Variants in COMMD4 observed in about 807,000 individuals in gnomAD.
The protein encoded by COMMD4 is COMM domain-containing protein 4.
In COMMD4, 18 loss-of-function variants were observed where a neutral mutation model predicts 27.5. The ratio of observed to expected loss-of-function variants is 0.65; its 90% CI spans 0.45 to 0.97. COMMD4 has a LOEUF of 0.97. Ranked by LOEUF, COMMD4 falls within the 50% of genes least tolerant of loss-of-function variation. The pLI, the probability that COMMD4 is intolerant of heterozygous loss-of-function variation, is 0.00. For synonymous variants in COMMD4, 108 were observed against 108.4 expected, an observed-to-expected ratio of 1.00 and a Z score of 0.02; for missense variants, 243 against 250.0, an observed-to-expected ratio of 0.97 and a Z score of 0.19.
downstream of COMMD4, chr15:75,342,114 T>G (rs556622294): frequency 6.9e-6 from 1 of 144,778 alleles, no homozygotes; most frequent in African/African-American, 2.5e-5. Flanking sequence ...ATACACACAT[T>G]GGAATATTTT....
intron 1 of COMMD4, chr15:75,336,685 A>T (rs1484280530): frequency 6.4e-6 from 1 of 155,808 alleles, no homozygotes; most frequent in Non-Finnish European, 1.4e-5. Flanking sequence ...CGGAGGCTTG[A>T]ATTGGAGTCA....
intron 3 of COMMD4, 71 bp downstream of exon 3, chr15:75,338,491 G>A: frequency 6.3e-7 from 1 of 1,592,256 alleles, no homozygotes; most frequent in Non-Finnish European, 8.6e-7. Context: ...CTCTGCACTA[G>A]GCCCAGGGAG....
intron 2 of COMMD4, 57 bp from the exon 3 acceptor site, chr15:75,338,298 C>T: frequency 6.1e-6 from 9 of 1,481,514 alleles, no homozygotes; most frequent in South Asian, 1.2e-5. Flanking sequence ...TGAGCCAGTC[C>T]CCAGGAAGGA....
chr15:75,338,722 C>T, intron 4 of COMMD4, 37 bp downstream of exon 4: 2 of 1,606,902 alleles, frequency 1.2e-6, no homozygotes, highest in African/African-American at 1.3e-5. Flanking sequence ...CCCAGGCAAC[C>T]CTGGGAACTT....
intron 6 of COMMD4, 95 bp downstream of exon 6, chr15:75,339,439 G>T: frequency 6.6e-7 from 1 of 1,514,972 alleles, no homozygotes; most frequent in Non-Finnish European, 9.0e-7. Context: ...CTTAACCACG[G>T]TCACATGGTT....
Position 75,336,103 on chromosome 15 carries a change from A to C in COMMD4, c.3+11A>C. ...CTTCTTGGCGCGATGGTGAGGCACT[A>C]GGGGCGAAGCGAGGCTTGGGCTGCT... On this transcript the variant is annotated intron_variant, in intron 1 of 7. Transcript: ENST00000267935. 6.5e-7 allele frequency: 1 copy of C among 1,549,772 alleles called. No individual in the cohort carries two copies. Among genetic ancestry groups the C allele is most frequent in the Non-Finnish European group, 8.7e-7 (1 of 1,146,814 alleles).
At chr15:75,336,366 G>A in intron 1 of COMMD4, 9 of 1,139,874 alleles carry the variant, frequency 7.9e-6, no homozygotes, top group South Asian at 1.7e-5. Context: ...CCCGGGGCAG[G>A]AACTAGGGCT....
chr15:75,340,220 G>A lies in COMMD4; in HGVS notation c.*215G>A. The A allele has an allele frequency of 1.7e-6, 1 of 580,534 alleles. No homozygotes were observed. Among genetic ancestry groups the A allele is most frequent in the Non-Finnish European group, 3.1e-6 (1 of 325,768 alleles). 36.0% of individuals were successfully genotyped at this position (580,534 alleles called of 1,614,324 possible). On this transcript the variant is annotated 3_prime_UTR_variant, in exon 8 of 8. Coordinates refer to ENST00000267935, the MANE Select transcript of COMMD4 (RefSeq NM_017828.5). ...AGCATTACCTTCCCTTCCCTTGAAA[G>A]GCAATTGTTGGCTGTTTTCATAAGC...
chr15:75,338,167 G>C (rs2071285968), intron 2 of COMMD4, 34 bp downstream of exon 2: 1 of 1,564,460 alleles, frequency 6.4e-7, no homozygotes, highest in East Asian at 2.4e-5. Flanking sequence ...GGGTGGAGGA[G>C]GGGTGTTGGG....
intron 1 of COMMD4, chr15:75,336,293 A>G (rs761554207): frequency 1.6e-5 from 23 of 1,458,488 alleles, no homozygotes; most frequent in Non-Finnish European, 2.1e-5. Flanking sequence ...GGCGGGTAAG[A>G]CAGAGCAGGC....
chr15:75,336,505 C>T, intron 1 of COMMD4: 1 of 412,228 alleles, frequency 2.4e-6, no homozygotes, highest in Non-Finnish European at 4.3e-6. Context: ...CTCTTCCACA[C>T]TGTTAGGAAG....
rs2071389757 is a variant in COMMD4 at position 75,339,856 on chromosome 15, C to T, written c.537C>T (p.Asp179=). Residue 179 remains aspartate, a synonymous_variant, in exon 7 of 8, where the codon GAC becomes GAT. Coordinates refer to ENST00000267935, the MANE Select transcript of COMMD4 (RefSeq NM_017828.5). ...AQPVAMSLSA[D]KFQVLLAELK... ...CTGTTGCCATGTCCCTCTCAGCAGA[C>T]AAGTTCCAGGTCCTCCTGGCAGGTG... 1 of 1,613,362 alleles carries T rather than the reference C, an allele frequency of 6.2e-7. No homozygotes were observed. Among genetic ancestry groups the T allele is most frequent in the Admixed American group, 1.7e-5 (1 of 59,974 alleles).
At chr15:75,341,302 G>T (rs151175000), downstream of COMMD4, 48 of 152,486 alleles carry the variant, frequency 3.1e-4, no homozygotes, top group African/African-American at 1.0e-3. Flanking sequence ...ACCAGCCAGG[G>T]CTCCTTGTAG....
chr15:75,338,661 A>T lies in COMMD4; in HGVS notation c.157A>T (p.Lys53Ter). The T allele has an allele frequency of 6.2e-7, 1 of 1,613,986 alleles. No individual in the cohort carries two copies. Among genetic ancestry groups the T allele is most frequent in the Non-Finnish European group, 8.5e-7 (1 of 1,179,938 alleles). Residue 53 changes from lysine to a stop codon, truncating the protein, a stop_gained, in exon 4 of 8, where the codon AAG (lysine) becomes TAG (stop). Coordinates refer to ENST00000267935, the MANE Select transcript of COMMD4 (RefSeq NM_017828.5). LOFTEE classifies it high-confidence loss of function. ...TTCCCCATAGTATGAGAAGATCCTG[A>T]AGCTCACGGCTGACGCCAAGTTTGG... ...GQGIDYEKIL[K>*]LTADAKFESG...
At position 75,340,013 on chromosome 15, in the gene COMMD4, G is replaced by A. The variant is rs777934808; in HGVS notation, c.*8G>A. 7 of 1,613,808 alleles carry A rather than the reference G, an allele frequency of 4.3e-6. No homozygotes were observed. The East Asian group carries it at 1.6e-4, about 36-fold the overall frequency. On this transcript the variant is annotated 3_prime_UTR_variant, in exon 8 of 8. Coordinates refer to ENST00000267935, the MANE Select transcript of COMMD4 (RefSeq NM_017828.5). ...ATGAGCTCCCTGGGCTGAGGAGAAG[G>A]GTGTTCCAGGCCTGTGTGGAGCCGC...
downstream of COMMD4, chr15:75,341,258 G>T (rs1288544871): frequency 6.6e-6 from 1 of 152,436 alleles, no homozygotes; most frequent in Non-Finnish European, 1.5e-5. Flanking sequence ...AGCTCGAGAA[G>T]ACTAAGGCAG....
Position 75,339,682 on chromosome 15 carries a change from C to T in COMMD4, c.383-20C>T. 3 of 1,558,422 alleles carry T rather than the reference C, an allele frequency of 1.9e-6. No homozygotes were observed. In the South Asian group the frequency reaches 3.6e-5, roughly 19 times the overall value. On this transcript the variant is annotated intron_variant, in intron 6 of 7. Coordinates refer to ENST00000267935, the MANE Select transcript of COMMD4 (RefSeq NM_017828.5). ...GGCTTGCCTGCTTTGATCCTGAGAG[C>T]CACCCACCCCATCTCACAGTGAATA...
At position 75,336,506 on chromosome 15, in the gene COMMD4, T is replaced by C. The variant is rs2071196191; in HGVS notation, c.3+414T>C. The stretch of plus-strand genomic sequence containing the variant: ...TAGAATCAGGCTCACTCTTCCACAC[T>C]GTTAGGAAGCCCCTCCGCTCTTTCC... On this transcript the variant is annotated intron_variant, in intron 1 of 7. Coordinates refer to ENST00000267935, the MANE Select transcript of COMMD4 (RefSeq NM_017828.5). 10 of 407,800 alleles carry C rather than the reference T, an allele frequency of 2.5e-5. No individual in the cohort carries two copies. In the South Asian group the frequency reaches 4.8e-4, roughly 20 times the overall value. The allele number at this position is 407,800 out of a possible 1,614,324, so 25.3% of individuals were successfully genotyped here.
chr15:75,339,150 T>G (rs2071348080), intron 5 of COMMD4, 46 bp downstream of exon 5: 1 of 1,612,282 alleles, frequency 6.2e-7, no homozygotes, highest in African/African-American at 1.3e-5. Context: ...GGCCAAGGGC[T>G]GCTAGAGAAG....
Sources: gnomAD v4.1 joint callset for allele counts on GRCh38, gnomAD v4.1.1 for gene constraint, MANE v1.5 for transcripts, NCBI Gene and HGNC (gene_info 2026-07-23, HGNC 2026-07-21) for gene names.